LYPD6: variants seen among roughly 807,000 people sequenced by gnomAD.
LYPD6 encodes ly6/PLAUR domain-containing protein 6.
LYPD6 carries 15 observed loss-of-function variants against 22.7 expected under a neutral mutation model. The observed-to-expected ratio is 0.66, with a 90% CI of 0.44 to 1.02. LYPD6 has a LOEUF of 1.02. Among genes scored for constraint, LYPD6 ranks in the 50% least tolerant of loss-of-function variants. The pLI is 0.00. For missense variants in LYPD6, 189 were observed against 208.4 expected, an observed-to-expected ratio of 0.91 and a Z score of 0.57; for synonymous variants, 72 against 77.5, an observed-to-expected ratio of 0.93 and a Z score of 0.37.
At chr2:149,466,171 C>T (rs987466344) in intron 3 of LYPD6, among the ~76,000 whole-genome samples, 2 of 152,130 alleles carry the variant, frequency 1.3e-5, no homozygotes, top group Non-Finnish European at 2.9e-5. Context: ...CCTGCTCACC[C>T]CGATAAACCT....
chr2:149,447,642 A>G lies in LYPD6; in HGVS notation c.119-1407A>G, dbSNP rs59342813. ...GGTCTGAACAGATAAAAATTTTACA[A>G]TGTACCAGAGAAATTGCCACTTTTG... On this transcript the variant is annotated intron_variant, in intron 2 of 4. Coordinates refer to ENST00000334166, the MANE Select transcript of LYPD6 (RefSeq NM_194317.5). Among the ~76,000 whole-genome samples, 1,159 of 152,332 alleles carry G rather than the reference A, an allele frequency of 7.6e-3. 56 individuals are homozygous for G. The East Asian group carries it at 0.14, about 19-fold the overall frequency.
intron 1 of LYPD6, among the ~76,000 whole-genome samples, chr2:149,399,979 T>G (rs1052705465): frequency 2.0e-5 from 3 of 152,198 alleles, no homozygotes; most frequent in African/African-American, 7.2e-5. Context: ...ACCACACTTT[T>G]GCTGGTCCAC....
At chr2:149,337,492 T>C (rs1041721149) in intron 1 of LYPD6, among the ~76,000 whole-genome samples, 14 of 152,094 alleles carry the variant, frequency 9.2e-5, no homozygotes, top group African/African-American at 3.4e-4. Flanking sequence ...TCAGTTGGTT[T>C]TGTGCTTTGG....
chr2:149,348,061 C>CAAAAA (rs58228847), intron 1 of LYPD6, among the ~76,000 whole-genome samples: 48 of 76,690 alleles, frequency 6.3e-4, no homozygotes, highest in African/African-American at 7.2e-4. Flanking sequence ...ACTAAAAATA[C>CAAAAA]AAAAAAAAAA....
chr2:149,445,040 T>C (rs1000630527), intron 2 of LYPD6, among the ~76,000 whole-genome samples: 1 of 152,232 alleles, frequency 6.6e-6, no homozygotes, highest in African/African-American at 2.4e-5. Flanking sequence ...AATGACTTCT[T>C]GATCCATCAA....
the LYPD6 span, among the ~76,000 whole-genome samples, chr2:149,480,301 C>T: frequency 1.6e-4 from 25 of 152,250 alleles, no homozygotes; most frequent in African/African-American, 5.1e-4. Context: ...TGAGCCACCA[C>T]GCCTGGCCTC....
chr2:149,474,802 C>G (rs1472661442), downstream of LYPD6, among the ~76,000 whole-genome samples: 2 of 152,110 alleles, frequency 1.3e-5, no homozygotes, highest in African/African-American at 2.4e-5. Flanking sequence ...GAGTCTCACT[C>G]TTGTCGCCAG....
At chr2:149,480,218 C>T in the LYPD6 span, among the ~76,000 whole-genome samples, 1 of 152,144 alleles carries the variant, frequency 6.6e-6, no homozygotes, top group Non-Finnish European at 1.5e-5. Context: ...CCATGTTAGT[C>T]AGGCTGGTCT....
At chr2:149,366,987 C>T (rs11674414) in intron 1 of LYPD6, among the ~76,000 whole-genome samples, 6,980 of 152,066 alleles carry the variant, frequency 0.046, 231 homozygotes, top group East Asian at 0.061. Context: ...TTTAGTTAAA[C>T]GTTTACATGA....
intron 1 of LYPD6, among the ~76,000 whole-genome samples, chr2:149,365,931 A>T (rs1266035927): frequency 6.6e-6 from 1 of 152,194 alleles, no homozygotes; most frequent in African/African-American, 2.4e-5. Flanking sequence ...CAGGGCAGAG[A>T]GGAGAGCTGT....
intron 1 of LYPD6, among the ~76,000 whole-genome samples, chr2:149,426,750 T>C (rs937072338): frequency 3.9e-5 from 6 of 152,224 alleles, no homozygotes; most frequent in Admixed American, 6.5e-5. Context: ...TTGTTTACAT[T>C]TGGCTTTCAG....
rs528915858 is a variant in LYPD6 at position 149,423,159 on chromosome 2, G to T, written c.-71-14479G>T. The stretch of plus-strand genomic sequence containing the variant: ...AGGGTGACCTCATATGTACCTGGAG[G>T]ATCAGCTGGACTGCCCTGCCCACCT... On this transcript the variant is annotated intron_variant, in intron 1 of 4. Coordinates refer to ENST00000334166, the MANE Select transcript of LYPD6 (RefSeq NM_194317.5). 3.3e-5 allele frequency among the ~76,000 whole-genome samples: 5 copies of T among 152,126 alleles called. No individual in the cohort carries two copies. The South Asian group carries it at 8.3e-4, about 25-fold the overall frequency.
At chr2:149,427,186 G>T (rs1391221954) in intron 1 of LYPD6, among the ~76,000 whole-genome samples, 1 of 152,090 alleles carries the variant, frequency 6.6e-6, no homozygotes, top group Admixed American at 6.6e-5. Flanking sequence ...TTGGAACCAG[G>T]TTATTTTGAA....
intron 2 of LYPD6, among the ~76,000 whole-genome samples, chr2:149,443,930 C>CTTTTTTT (rs766245738): frequency 2.6e-5 from 3 of 114,108 alleles, no homozygotes; most frequent in African/African-American, 3.4e-5. Context: ...ATGTGCATAT[C>CTTTTTTT]TTTTTTTTTT....
intron 1 of LYPD6, among the ~76,000 whole-genome samples, chr2:149,418,603 A>T (rs569885520): frequency 6.6e-6 from 1 of 150,976 alleles, no homozygotes; most frequent in African/African-American, 2.5e-5. Flanking sequence ...ACCTTGCGCT[A>T]TTTCTCAGAT....
chr2:149,408,138 C>T (rs1573781692), intron 1 of LYPD6, among the ~76,000 whole-genome samples: 1 of 152,264 alleles, frequency 6.6e-6, no homozygotes, highest in African/African-American at 2.4e-5. Flanking sequence ...TGTCAGTCTG[C>T]CCCTACTTGG....
chr2:149,385,486 T>C (rs892783961), intron 1 of LYPD6, among the ~76,000 whole-genome samples: 2 of 152,236 alleles, frequency 1.3e-5, no homozygotes, highest in African/African-American at 2.4e-5. Context: ...GTCATGTCTG[T>C]ATAGGGCTAC....
At chr2:149,366,321 C>T (rs1681663763) in intron 1 of LYPD6, among the ~76,000 whole-genome samples, 2 of 152,080 alleles carry the variant, frequency 1.3e-5, no homozygotes, top group African/African-American at 4.8e-5. Context: ...TAAATAAATG[C>T]CGGCGTGTTC....
At chr2:149,341,251 G>A (rs1359598843) in intron 1 of LYPD6, among the ~76,000 whole-genome samples, 2 of 152,062 alleles carry the variant, frequency 1.3e-5, no homozygotes, top group Non-Finnish European at 2.9e-5. Context: ...TGTGTCCTTG[G>A]TCAGGGGTGT....
Sources: allele counts gnomAD v4.1 joint callset (sites outside exome capture counted in the v4.1 genomes callset), GRCh38; gene constraint gnomAD v4.1.1; transcripts MANE v1.5; gene names NCBI Gene and HGNC (gene_info 2026-07-23, HGNC 2026-07-21).